CNTN4: variants seen among roughly 807,000 people sequenced by gnomAD.
CNTN4 encodes the protein contactin 4, also known as contactin-4.
A neutral mutation model predicts 122.5 loss-of-function variants in CNTN4; 77 were observed. That is an observed-to-expected ratio of 0.63 (90% CI 0.52 to 0.76). The LOEUF is 0.76. CNTN4 is among the 30% of genes least tolerant of loss of function. The probability of loss-of-function intolerance (pLI) is 0.00; values close to 1 mark genes in which losing one functional copy is unlikely to be tolerated. For synonymous variants in CNTN4, 512 were observed against 447.0 expected (o/e 1.15, Z -1.83); for missense variants, 1,256 against 1,259.1 (o/e 1.00, Z 0.04).
At chr3:2,510,552 G>A (rs192282906) in intron 3 of CNTN4, among the ~76,000 whole-genome samples, 4 of 152,132 alleles carry the variant, frequency 2.6e-5, no homozygotes, top group African/African-American at 7.2e-5. Context: ...CTTTTTATGA[G>A]TGACACAGGC....
At chr3:2,318,274 C>T (rs2043177969) in intron 2 of CNTN4, among the ~76,000 whole-genome samples, 1 of 151,022 alleles carries the variant, frequency 6.6e-6, no homozygotes, top group African/African-American at 2.4e-5. Flanking sequence ...GTGACTAGAC[C>T]CTTCACTGTA....
At chr3:2,389,501 A>G (rs931545415) in intron 3 of CNTN4, among the ~76,000 whole-genome samples, 1 of 151,922 alleles carries the variant, frequency 6.6e-6, no homozygotes, top group Non-Finnish European at 1.5e-5. Flanking sequence ...GCCTTATTTT[A>G]TTTTTCTAAT....
chr3:2,224,272 A>G (rs2149506350), intron 2 of CNTN4, among the ~76,000 whole-genome samples: 1 of 152,282 alleles, frequency 6.6e-6, no homozygotes, highest in Admixed American at 6.5e-5. Flanking sequence ...CCTCAACAAT[A>G]GGCAGAGCAT....
intron 3 of CNTN4, among the ~76,000 whole-genome samples, chr3:2,376,385 T>A (rs553272416): frequency 1.3e-5 from 2 of 152,284 alleles, no homozygotes; most frequent in East Asian, 3.9e-4. Flanking sequence ...TGTTGATGTG[T>A]TTTATGGTAA....
intron 6 of CNTN4, among the ~76,000 whole-genome samples, chr3:2,786,740 A>T (rs1175422775): frequency 6.6e-6 from 1 of 152,196 alleles, no homozygotes; most frequent in Non-Finnish European, 1.5e-5. Flanking sequence ...GCTTTCAAGA[A>T]AGAATGGTTT....
chr3:2,829,249 C>G (rs1193398826), intron 7 of CNTN4, among the ~76,000 whole-genome samples: 1 of 152,182 alleles, frequency 6.6e-6, no homozygotes, highest in Non-Finnish European at 1.5e-5. Context: ...TGATGCCTTT[C>G]TGCATTCATT....
chr3:2,241,716 A>ACT (rs2039948824), intron 2 of CNTN4, among the ~76,000 whole-genome samples: 1 of 152,156 alleles, frequency 6.6e-6, no homozygotes, highest in Non-Finnish European at 1.5e-5. Flanking sequence ...TAGACTGTGT[A>ACT]CTTCTCTTCC....
chr3:3,012,453 T>C (rs9836577), intron 14 of CNTN4, among the ~76,000 whole-genome samples: 16,359 of 151,850 alleles, frequency 0.11, 937 homozygotes, highest in South Asian at 0.15. Flanking sequence ...GTTTTTTGTT[T>C]TTGTTTTTGT....
chr3:2,488,959 A>G (rs920250916), intron 3 of CNTN4, among the ~76,000 whole-genome samples: 10 of 152,234 alleles, frequency 6.6e-5, no homozygotes, highest in Non-Finnish European at 1.5e-4. Flanking sequence ...GATAAATAAT[A>G]CAATAGAGTC....
At chr3:2,375,719 C>G (rs543813499) in intron 3 of CNTN4, among the ~76,000 whole-genome samples, 1 of 152,168 alleles carries the variant, frequency 6.6e-6, no homozygotes, top group Admixed American at 6.5e-5. Flanking sequence ...TCTTCAGTCA[C>G]TATTTTTATA....
intron 3 of CNTN4, among the ~76,000 whole-genome samples, chr3:2,373,445 G>T (rs1174647824): frequency 3.3e-5 from 5 of 152,194 alleles, no homozygotes; most frequent in Non-Finnish European, 7.3e-5. Flanking sequence ...GAAAGCCAAG[G>T]TAATAATTAG....
intron 3 of CNTN4, among the ~76,000 whole-genome samples, chr3:2,481,201 G>A (rs534113521): frequency 6.6e-6 from 1 of 150,760 alleles, no homozygotes; most frequent in East Asian, 2.0e-4. Context: ...AGTGCAGTGG[G>A]GCGATCTTGG....
At chr3:2,834,180 A>T (rs566924959) in intron 7 of CNTN4, among the ~76,000 whole-genome samples, 7 of 152,040 alleles carry the variant, frequency 4.6e-5, no homozygotes, top group Non-Finnish European at 1.0e-4. Flanking sequence ...TTAAAAACAT[A>T]TCACAATTTT....
At chr3:2,232,282 G>T (rs2039515836) in intron 2 of CNTN4, among the ~76,000 whole-genome samples, 1 of 152,004 alleles carries the variant, frequency 6.6e-6, no homozygotes, top group Admixed American at 6.6e-5. Context: ...ATTTTACAGG[G>T]TTTACAGGGC....
At chr3:2,267,760 T>C (rs2041110577) in intron 2 of CNTN4, among the ~76,000 whole-genome samples, 1 of 152,124 alleles carries the variant, frequency 6.6e-6, no homozygotes, top group African/African-American at 2.4e-5. Context: ...TGGATTTTCT[T>C]ATGTACATTG....
intron 3 of CNTN4, among the ~76,000 whole-genome samples, chr3:2,405,481 A>C (rs1298831395): frequency 5.3e-5 from 8 of 152,084 alleles, no homozygotes; most frequent in Non-Finnish European, 1.5e-5. Flanking sequence ...CTGACATGAA[A>C]GAACCCCCAA....
At chr3:2,397,865 A>G (rs1282555131) in intron 3 of CNTN4, among the ~76,000 whole-genome samples, 1 of 152,122 alleles carries the variant, frequency 6.6e-6, no homozygotes, top group African/African-American at 2.4e-5. Context: ...CACTACAGCA[A>G]CCCCAGTGCT....
intron 4 of CNTN4, among the ~76,000 whole-genome samples, chr3:2,722,495 G>C (rs1426834128): frequency 6.6e-6 from 1 of 152,178 alleles, no homozygotes; most frequent in South Asian, 2.1e-4. Context: ...GAGGTGTATG[G>C]GAAGGGATTT....
At chr3:2,621,035 T>C (rs1349004912) in intron 4 of CNTN4, among the ~76,000 whole-genome samples, 4 of 152,202 alleles carry the variant, frequency 2.6e-5, no homozygotes, top group Non-Finnish European at 5.9e-5. Context: ...TTTCATCCTT[T>C]GTAAAATGAA....
Sources: allele counts gnomAD v4.1 joint callset (sites outside exome capture counted in the v4.1 genomes callset), GRCh38; gene constraint gnomAD v4.1.1; transcripts MANE v1.5; gene names NCBI Gene and HGNC (gene_info 2026-07-23, HGNC 2026-07-21).